DCLK1: variants seen among roughly 807,000 people sequenced by gnomAD.
DCLK1 encodes serine/threonine-protein kinase DCLK1.
A neutral mutation model predicts 86.2 loss-of-function variants in DCLK1; 16 were observed. The observed-to-expected ratio is 0.19, with a 90% CI of 0.13 to 0.28. The LOEUF is 0.28. DCLK1 is among the 10% of genes least tolerant of loss of function. The pLI is 1.00. For missense variants in DCLK1, 590 were observed against 940.2 expected (o/e 0.63, Z 4.87); for synonymous variants, 369 against 370.5 (o/e 1.00, Z 0.05).
At chr13:35,795,477 T>G (rs1360210220) in intron 15 of DCLK1, among the ~76,000 whole-genome samples, 1 of 152,232 alleles carries the variant, frequency 6.6e-6, no homozygotes, top group Non-Finnish European at 1.5e-5. Flanking sequence ...CCCTTTACTG[T>G]GGTATTTTTA....
chr13:35,815,181 C>T (rs538795777), intron 11 of DCLK1, among the ~76,000 whole-genome samples: 30 of 152,276 alleles, frequency 2.0e-4, no homozygotes, highest in African/African-American at 7.2e-4. Context: ...GCATTAGCTA[C>T]AACTTACTGA....
At chr13:36,079,213 G>C (rs1056510680) in intron 3 of DCLK1, among the ~76,000 whole-genome samples, 1 of 152,166 alleles carries the variant, frequency 6.6e-6, no homozygotes, top group African/African-American at 2.4e-5. Context: ...GCAAATGGAG[G>C]CTGATCCAGC....
At chr13:35,974,592 A>G (rs897879595) in intron 3 of DCLK1, among the ~76,000 whole-genome samples, 8 of 152,086 alleles carry the variant, frequency 5.3e-5, no homozygotes, top group Middle Eastern at 3.2e-3. Flanking sequence ...GAAAGTGTGT[A>G]ACGCTTCCCC....
intron 4 of DCLK1, among the ~76,000 whole-genome samples, chr13:35,898,310 C>A (rs1168647191): frequency 6.6e-6 from 1 of 152,188 alleles, no homozygotes; most frequent in South Asian, 2.1e-4. Flanking sequence ...CCAGTCTTCC[C>A]GGAAAAGCTA....
intron 5 of DCLK1, among the ~76,000 whole-genome samples, chr13:35,858,869 G>A (rs1871229416): frequency 6.6e-6 from 1 of 152,198 alleles, no homozygotes; most frequent in Non-Finnish European, 1.5e-5. Context: ...CTTAGGGTCA[G>A]AGCTCTGTTC....
intron 16 of DCLK1, among the ~76,000 whole-genome samples, chr13:35,789,133 T>A (rs2086667914): frequency 6.6e-6 from 1 of 152,156 alleles, no homozygotes; most frequent in Non-Finnish European, 1.5e-5. Context: ...AGGACACTAA[T>A]CATGCTGTGT....
At chr13:35,909,892 C>T (rs997791777) in intron 4 of DCLK1, among the ~76,000 whole-genome samples, 4 of 152,048 alleles carry the variant, frequency 2.6e-5, no homozygotes, top group Non-Finnish European at 5.9e-5. Context: ...CCTCTCTCAC[C>T]AAAAACAGGC....
chr13:35,925,980 G>T (rs998909386), intron 4 of DCLK1, among the ~76,000 whole-genome samples: 4 of 152,130 alleles, frequency 2.6e-5, no homozygotes, highest in Admixed American at 6.5e-5. Flanking sequence ...ACAAAACTAG[G>T]TGTCCAGAGC....
At chr13:36,040,451 G>A (rs1483831208) in intron 3 of DCLK1, among the ~76,000 whole-genome samples, 1 of 149,674 alleles carries the variant, frequency 6.7e-6, no homozygotes, top group East Asian at 2.0e-4. Context: ...AGGATTTGGG[G>A]AGGAAGACTA....
At chr13:36,093,273 G>A (rs1010976384) in intron 3 of DCLK1, among the ~76,000 whole-genome samples, 2 of 152,182 alleles carry the variant, frequency 1.3e-5, no homozygotes, top group African/African-American at 2.4e-5. Flanking sequence ...GTAGGAATAA[G>A]AAAGTGGGTA....
intron 3 of DCLK1, among the ~76,000 whole-genome samples, chr13:36,058,718 G>C (rs552790274): frequency 6.6e-6 from 1 of 152,278 alleles, no homozygotes; most frequent in South Asian, 2.1e-4. Flanking sequence ...TCAGAAGAAT[G>C]AAGACCCCCA....
At chr13:35,836,815 C>T (rs1869418145) in intron 7 of DCLK1, among the ~76,000 whole-genome samples, 1 of 152,154 alleles carries the variant, frequency 6.6e-6, no homozygotes, top group Non-Finnish European at 1.5e-5. Context: ...AACACATTTT[C>T]CCCCTGAAAA....
At chr13:35,879,213 T>C (rs1872747823) in intron 4 of DCLK1, among the ~76,000 whole-genome samples, 1 of 152,180 alleles carries the variant, frequency 6.6e-6, no homozygotes, top group Non-Finnish European at 1.5e-5. Flanking sequence ...ATTTTAAAAG[T>C]ACCTTCTAAA....
intron 4 of DCLK1, among the ~76,000 whole-genome samples, chr13:35,876,746 G>A (rs78016070): frequency 0.018 from 2,799 of 152,188 alleles, 82 homozygotes; most frequent in African/African-American, 0.064. Flanking sequence ...CTCTCACATG[G>A]GGGCATTTGC....
At chr13:36,052,331 A>G (rs1883150336) in intron 3 of DCLK1, among the ~76,000 whole-genome samples, 1 of 152,150 alleles carries the variant, frequency 6.6e-6, no homozygotes. Flanking sequence ...CAAGATCATT[A>G]CCCTACAGAA....
At chr13:36,066,332 G>A (rs1234908410) in intron 3 of DCLK1, among the ~76,000 whole-genome samples, 1 of 152,156 alleles carries the variant, frequency 6.6e-6, no homozygotes, top group African/African-American at 2.4e-5. Context: ...GAATTCATGG[G>A]TAGAGCTGCC....
At chr13:36,063,319 G>A (rs1350246184) in intron 3 of DCLK1, among the ~76,000 whole-genome samples, 1 of 152,048 alleles carries the variant, frequency 6.6e-6, no homozygotes, top group Non-Finnish European at 1.5e-5. Flanking sequence ...TATTACAAGC[G>A]ATGAAGACAA....
intron 4 of DCLK1, among the ~76,000 whole-genome samples, chr13:35,886,542 G>A (rs1873267332): frequency 6.6e-6 from 1 of 152,186 alleles, no homozygotes; most frequent in South Asian, 2.1e-4. Context: ...GTGTTCGGAA[G>A]AGTGCCACAT....
chr13:36,000,197 G>A (rs998180902), intron 3 of DCLK1, among the ~76,000 whole-genome samples: 4 of 152,102 alleles, frequency 2.6e-5, no homozygotes, highest in South Asian at 2.1e-4. Flanking sequence ...ATTAATGGCC[G>A]TTCCCCTCAG....
Sources: gnomAD v4.1 joint callset for allele counts (sites outside exome capture counted in the v4.1 genomes callset) on GRCh38, gnomAD v4.1.1 for gene constraint, MANE v1.5 for transcripts, NCBI Gene and HGNC (gene_info 2026-07-23, HGNC 2026-07-21) for gene names.